Variants in MORN1 observed in about 807,000 individuals in gnomAD.
The protein encoded by MORN1 is MORN repeat-containing protein 1.
A neutral mutation model predicts 61.9 loss-of-function variants in MORN1; 67 were observed. The observed-to-expected ratio is 1.08, with a 90% confidence interval of 0.89 to 1.33. The LOEUF is 1.33. MORN1 is among the 40% of genes most tolerant of loss of function. MORN1 has a pLI of 0.00. For missense variants in MORN1, 752 were observed against 691.2 expected (o/e 1.09, Z -0.99); for synonymous variants, 301 against 292.0 (o/e 1.03, Z -0.31).
At position 2,372,373 on chromosome 1, in the gene MORN1, T is replaced by G; in HGVS notation, c.745+108A>C. ...GGCTCTGGGCACGAAGTCACTGCTGTGCCTCAGGAGCCACATGCAACATCT... is the reference window on the plus strand; with the variant it reads ...GGCTCTGGGCACGAAGTCACTGCTGGGCCTCAGGAGCCACATGCAACATCT... On this transcript the variant is annotated intron_variant, in intron 8 of 13. Coordinates refer to ENST00000378531, the MANE Select transcript of MORN1 (RefSeq NM_024848.3). This position sits in a 1 kb window ranked among gnomAD's most constrained non-coding sequence, Gnocchi z 5.4. 1 of 835,558 alleles carries G rather than the reference T, an allele frequency of 1.2e-6. No homozygotes were observed. 51.8% of individuals were successfully genotyped at this position (835,558 alleles called of 1,614,324 possible). A position where few individuals can be genotyped will look rare whatever the true frequency, so the allele number is the denominator to read the frequency against.
At position 2,340,913 on chromosome 1, in the gene MORN1, AG is replaced by A. The variant is rs1208241380; in HGVS notation, c.1037-4064del. Among the ~76,000 whole-genome samples, 9 of 152,314 alleles carry A rather than the reference AG, an allele frequency of 5.9e-5. 1 individual carries two copies. The South Asian group carries it at 1.5e-3, about 25-fold the overall frequency. ...ACAGACGGCCACATAGGCCATGGCA[AG>A]GGCTGCCACACAAGCCAAAACATGG... On this transcript the variant is annotated intron_variant, in intron 10 of 13. Coordinates refer to ENST00000378531, the MANE Select transcript of MORN1 (RefSeq NM_024848.3).
intron 12 of MORN1, among the ~76,000 whole-genome samples, chr1:2,327,576 G>A (rs552076161): frequency 6.6e-6 from 1 of 152,364 alleles, no homozygotes; most frequent in African/African-American, 2.4e-5. Flanking sequence ...AGTGGGCGGT[G>A]TCCAGGCTGC....
At chr1:2,325,119 T>TTCCCTCCCTTCCTTCCCTCCCTCCC (rs1640980109) in intron 12 of MORN1, among the ~76,000 whole-genome samples, 1 of 55,630 alleles carries the variant, frequency 1.8e-5, no homozygotes, top group African/African-American at 1.2e-4. Flanking sequence ...CTTCCCTTCC[T>TTCCCTCCCTTCCTTCCCTCCCTCCC]TCCCTTCCTT....
chr1:2,348,719 G>GT, intron 10 of MORN1, among the ~76,000 whole-genome samples: 1 of 17,082 alleles, frequency 5.9e-5, no homozygotes, highest in Non-Finnish European at 1.2e-4. Context: ...ACACCTGCGC[G>GT]GGCACGCACA....
chr1:2,358,732 G>A lies in MORN1; in HGVS notation c.746-17C>T. 1 of 1,601,154 alleles carries A rather than the reference G, an allele frequency of 6.2e-7. No homozygotes were observed. Among genetic ancestry groups the A allele is most frequent in the Non-Finnish European group, 8.5e-7 (1 of 1,173,046 alleles). On this transcript the variant is annotated splice_polypyrimidine_tract_variant and intron_variant, in intron 8 of 13. Transcript: ENST00000378531. ...CGCTCTCGCCTTCCAGGAGAGAGGA[G>A]CAGGCAGTGAACACTCACAGGCACC... is the stretch of plus-strand genomic sequence containing the variant.
At chr1:2,326,766 A>G (rs970771839) in intron 12 of MORN1, 2 of 152,320 alleles carry the variant, frequency 1.3e-5, no homozygotes, top group African/African-American at 4.8e-5. Context: ...AGCAGCTGCC[A>G]CCACCGCGCA....
chr1:2,329,142 C>T (rs1479027997), intron 12 of MORN1, among the ~76,000 whole-genome samples: 1 of 152,140 alleles, frequency 6.6e-6, no homozygotes, highest in African/African-American at 2.4e-5. Context: ...CCTGTGGGCC[C>T]TTGCCGGTGT....
chr1:2,336,869 G>T lies in MORN1; in HGVS notation c.1037-19C>A. The T allele has an allele frequency of 6.5e-7, 1 of 1,545,016 alleles. No individual in the cohort carries two copies. The highest frequency in any genetic ancestry group is 2.0e-5 in the Admixed American group (1 of 49,080). On this transcript the variant is annotated intron_variant, in intron 10 of 13. Coordinates refer to ENST00000378531, the MANE Select transcript of MORN1 (RefSeq NM_024848.3). ...CCCCTGGCTGAGGAGACAGAATGAA[G>T]AAAGACCCTATGAGGGGCTCAGGGC...
chr1:2,344,485 T>C (rs373428690), intron 10 of MORN1, among the ~76,000 whole-genome samples: 13 of 151,984 alleles, frequency 8.6e-5, no homozygotes, highest in African/African-American at 2.4e-4. Context: ...GGGTGTGGGG[T>C]GCAGGAGCCC....
chr1:2,323,996 C>A (rs899702496), intron 13 of MORN1, 101 bp downstream of exon 13: 27 of 1,471,836 alleles, frequency 1.8e-5, no homozygotes, highest in Middle Eastern at 2.4e-4. Context: ...TCTGGGGGCC[C>A]CGGGCCGAGT....
intron 8 of MORN1, among the ~76,000 whole-genome samples, chr1:2,370,253 G>C (rs1275795298): frequency 6.6e-6 from 1 of 152,206 alleles, no homozygotes; most frequent in African/African-American, 2.4e-5. Flanking sequence ...CAAAAGGACG[G>C]TGTTCTCAAC....
At chr1:2,331,356 A>G (rs886795896) in intron 12 of MORN1, among the ~76,000 whole-genome samples, 1 of 152,192 alleles carries the variant, frequency 6.6e-6, no homozygotes, top group Non-Finnish European at 1.5e-5. Context: ...ACTTGGCCCC[A>G]CGTGGCCACA....
intron 12 of MORN1, among the ~76,000 whole-genome samples, chr1:2,327,089 C>G: frequency 6.9e-6 from 1 of 145,004 alleles, no homozygotes; most frequent in Admixed American, 7.0e-5. Flanking sequence ...AACACAGAGA[C>G]ACAGAAACAC....
chr1:2,348,250 A>C, intron 10 of MORN1, among the ~76,000 whole-genome samples: 1 of 151,766 alleles, frequency 6.6e-6, no homozygotes, highest in East Asian at 1.9e-4. Context: ...TCACAGAGAG[A>C]CCCGGGTTAC....
At position 2,358,700 on chromosome 1, in the gene MORN1, A is replaced by AC; in HGVS notation, c.760dup (p.Val254GlyfsTer18). 1 of 1,612,214 alleles carries AC rather than the reference A, an allele frequency of 6.2e-7. No homozygotes were observed. The highest frequency in any genetic ancestry group is 2.2e-5 in the East Asian group (1 of 44,796). ...TCTGACGCCCGCTGAGATCTGCAGG[A>AC]CCCGGCCGCTCTCGCCTTCCAGGAG... is the stretch of plus-strand genomic sequence containing the variant. On this transcript the variant is annotated frameshift_variant, in exon 9 of 14. Transcript: ENST00000378531. LOFTEE classifies it high-confidence loss of function.
intron 11 of MORN1, 74 bp downstream of exon 11, chr1:2,336,643 G>T: frequency 6.3e-7 from 1 of 1,575,650 alleles, no homozygotes. Flanking sequence ...CATGGCCTGG[G>T]TGTTGAGGTG....
At chr1:2,376,401 C>T (rs751525336) in intron 6 of MORN1, 5 of 152,416 alleles carry the variant, frequency 3.3e-5, no homozygotes, top group Non-Finnish European at 7.3e-5. Flanking sequence ...GATGTCTGGT[C>T]TCTGCCCCCT....
rs35986070 is a variant in MORN1, at chr1:2,337,229, A to G, written c.1037-379T>C. 0.5 allele frequency among the ~76,000 whole-genome samples: 75,932 copies of G among 152,042 alleles called. 20,760 individuals are homozygous for G. Among genetic ancestry groups the G allele is most frequent in the African/African-American group, 0.74 (30,894 of 41,486 alleles). ...CCCTGGCCGGAGAGGCTGGCGCTCA[A>G]CAGTACAGCTGTGTGCCCTCCTCGG... On this transcript the variant is annotated intron_variant, in intron 10 of 13. Transcript: ENST00000378531. The surrounding 1 kb of genome is among the most constrained non-coding windows in gnomAD (Gnocchi z 5.7).
At chr1:2,361,424 G>C (rs1185425008) in intron 8 of MORN1, among the ~76,000 whole-genome samples, 1 of 152,110 alleles carries the variant, frequency 6.6e-6, no homozygotes, top group Admixed American at 6.5e-5. Context: ...TGGGTGTGGT[G>C]GCACGTGTCT....
Sources: allele counts gnomAD v4.1 joint callset (sites outside exome capture counted in the v4.1 genomes callset), GRCh38; gene constraint gnomAD v4.1.1; non-coding constraint Gnocchi (gnomAD v3.1); transcripts MANE v1.5; gene names NCBI Gene and HGNC (gene_info 2026-07-23, HGNC 2026-07-21).